FAM13B: variants seen among roughly 807,000 people sequenced by gnomAD.
The protein encoded by FAM13B is protein FAM13B.
A neutral mutation model predicts 117.3 loss-of-function variants in FAM13B; 60 were observed. The ratio of observed to expected loss-of-function variants is 0.51; its 90% CI spans 0.42 to 0.63. The LOEUF (loss-of-function observed/expected upper bound fraction) is 0.63. Among genes scored for constraint, FAM13B ranks in the 30% least tolerant of loss-of-function variants. The pLI, the probability that FAM13B is intolerant of heterozygous loss-of-function variation, is 0.00. For missense variants in FAM13B, 972 were observed against 1,091.9 expected, an observed-to-expected ratio of 0.89 and a Z score of 1.55; for synonymous variants, 332 against 356.1, an observed-to-expected ratio of 0.93 and a Z score of 0.76.
At chr5:138,016,773 T>C (rs1785362128) in intron 4 of FAM13B, among the ~76,000 whole-genome samples, 1 of 152,210 alleles carries the variant, frequency 6.6e-6, no homozygotes, top group Non-Finnish European at 1.5e-5. Context: ...TTTATAAATT[T>C]TCATTCAGGA....
chr5:138,044,629 A>C (rs1791594545), intron 1 of FAM13B, among the ~76,000 whole-genome samples: 1 of 152,182 alleles, frequency 6.6e-6, no homozygotes. Context: ...TTCACGGTAC[A>C]GTAAGGATTG....
At chr5:138,008,256 C>T (rs1372373358) in intron 6 of FAM13B, among the ~76,000 whole-genome samples, 2 of 152,032 alleles carry the variant, frequency 1.3e-5, no homozygotes, top group African/African-American at 4.8e-5. Context: ...GCCTGGGCAA[C>T]GTGGTGAAAC....
At chr5:138,007,691 A>T (rs919877562) in intron 6 of FAM13B, among the ~76,000 whole-genome samples, 1 of 147,234 alleles carries the variant, frequency 6.8e-6, no homozygotes, top group African/African-American at 2.5e-5. Context: ...GGAAGAACTC[A>T]TATTTTGACC....
chr5:137,981,077 ATTTTTTTTTTTTTT>A (rs56799832), intron 10 of FAM13B, among the ~76,000 whole-genome samples: 24 of 60,468 alleles, frequency 4.0e-4, no homozygotes, highest in Middle Eastern at 0.015. Flanking sequence ...ACACCTGGCT[ATTTTTTTTTTTTTT>A]TTTTTTTTTT....
intron 7 of FAM13B, among the ~76,000 whole-genome samples, chr5:138,000,929 CAAAAAACAAAAAACA>C (rs1471125518): frequency 3.3e-4 from 6 of 17,928 alleles, no homozygotes; most frequent in South Asian, 4.2e-3. Context: ...GACACTGTCT[CAAAAAACAAAAAACA>C]AAAAAAAAAA....
chr5:138,046,937 G>T (rs1791656505), intron 1 of FAM13B, among the ~76,000 whole-genome samples: 1 of 151,532 alleles, frequency 6.6e-6, no homozygotes, highest in South Asian at 2.1e-4. Context: ...GTAGAGACGG[G>T]GTTTCACCAT....
chr5:137,991,190 T>C (rs915169185), intron 7 of FAM13B, among the ~76,000 whole-genome samples: 2 of 152,198 alleles, frequency 1.3e-5, no homozygotes, highest in African/African-American at 4.8e-5. Context: ...AATTAACATT[T>C]TACTATATTT....
At chr5:138,006,708 C>T (rs565881442) in intron 7 of FAM13B, among the ~76,000 whole-genome samples, 1 of 152,272 alleles carries the variant, frequency 6.6e-6, no homozygotes, top group African/African-American at 2.4e-5. Flanking sequence ...ATGCTACTTC[C>T]AGAGGTTCTG....
intron 20 of FAM13B, 44 bp from the exon 21 acceptor site, chr5:137,943,260 CAA>C (rs777616189): frequency 6.8e-7 from 1 of 1,480,378 alleles, no homozygotes; most frequent in Non-Finnish European, 9.4e-7. Context: ...TTTAAGTATT[CAA>C]AGTGTCCAGT....
chr5:137,998,785 T>C (rs1375473222), intron 7 of FAM13B, among the ~76,000 whole-genome samples: 4 of 152,260 alleles, frequency 2.6e-5, no homozygotes, highest in South Asian at 2.1e-4. Context: ...GAAGCAATCT[T>C]TTCCAAATGA....
intron 10 of FAM13B, among the ~76,000 whole-genome samples, chr5:137,971,665 A>G (rs1772195157): frequency 6.6e-6 from 1 of 151,958 alleles, no homozygotes; most frequent in Non-Finnish European, 1.5e-5. Context: ...AAATTAACGA[A>G]TCCAGGAGCT....
chr5:138,002,727 G>A (rs564088164), intron 7 of FAM13B, among the ~76,000 whole-genome samples: 3 of 140,136 alleles, frequency 2.1e-5, no homozygotes, highest in South Asian at 4.8e-4. Flanking sequence ...GTGCAGGGGC[G>A]ACATCTCGGC....
chr5:137,959,008 T>C (rs1767358927), intron 13 of FAM13B, among the ~76,000 whole-genome samples: 1 of 152,216 alleles, frequency 6.6e-6, no homozygotes, highest in South Asian at 2.1e-4. Flanking sequence ...GAACTTTATA[T>C]ACAAAGAAAC....
At chr5:137,966,488 T>TATATAGAGAGAGAG (rs1461425784) in intron 10 of FAM13B, among the ~76,000 whole-genome samples, 19 of 29,472 alleles carry the variant, frequency 6.4e-4, no homozygotes, top group African/African-American at 1.5e-3. Flanking sequence ...TATATATATA[T>TATATAGAGAGAGAG]AGAGAGAGAG....
chr5:137,966,740 T>C (rs571859089), intron 10 of FAM13B, among the ~76,000 whole-genome samples: 10 of 152,122 alleles, frequency 6.6e-5, no homozygotes, highest in Middle Eastern at 6.8e-3. Flanking sequence ...CACTACCAAA[T>C]ACTGGCAAGA....
At chr5:137,954,416 G>A in intron 14 of FAM13B, 40 bp from the exon 15 acceptor site, 4 of 1,535,758 alleles carry the variant, frequency 2.6e-6, no homozygotes, top group Non-Finnish European at 3.5e-6. Flanking sequence ...TGGGTCTCTT[G>A]ATTCCACGTG....
At chr5:137,986,815 AG>A (rs1279822046) in intron 9 of FAM13B, among the ~76,000 whole-genome samples, 1 of 152,190 alleles carries the variant, frequency 6.6e-6, no homozygotes, top group Non-Finnish European at 1.5e-5. Flanking sequence ...CAACATCCCA[AG>A]GAGAGGTGCC....
chr5:137,990,413 C>T (rs879031839), intron 7 of FAM13B, among the ~76,000 whole-genome samples: 1 of 152,176 alleles, frequency 6.6e-6, no homozygotes, highest in African/African-American at 2.4e-5. Flanking sequence ...TTCTCAACTA[C>T]TTACTTCATC....
chr5:137,966,484 TATATAGAGAGAGAG>T (rs1484762201), intron 10 of FAM13B, among the ~76,000 whole-genome samples: 7 of 50,620 alleles, frequency 1.4e-4, no homozygotes, highest in African/African-American at 4.9e-4. Flanking sequence ...TATATATATA[TATATAGAGAGAGAG>T]AGAGAGAGAG....
Sources: allele counts gnomAD v4.1 joint callset (sites outside exome capture counted in the v4.1 genomes callset), GRCh38; gene constraint gnomAD v4.1.1; transcripts MANE v1.5; gene names NCBI Gene and HGNC (gene_info 2026-07-23, HGNC 2026-07-21).